Variants in VWA3B observed in about 807,000 individuals in gnomAD.
VWA3B encodes von Willebrand factor A domain containing 3B, also known as von Willebrand factor A domain-containing protein 3B.
In VWA3B, 138 loss-of-function variants were observed where a neutral mutation model predicts 158.3. The ratio of observed to expected loss-of-function variants is 0.87; its 90% confidence interval spans 0.76 to 1.00. The LOEUF is 1.00. Among genes scored for constraint, VWA3B ranks in the 50% least tolerant of loss-of-function variants. The pLI is 0.00. For missense variants in VWA3B, 1,555 were observed against 1,565.1 expected (o/e 0.99, Z 0.11); for synonymous variants, 596 against 587.3 (o/e 1.01, Z -0.21).
At chr2:98,105,295 G>A (rs1683360213) in intron 2 of VWA3B, among the ~76,000 whole-genome samples, 1 of 152,018 alleles carries the variant, frequency 6.6e-6, no homozygotes, top group African/African-American at 2.4e-5. Flanking sequence ...TATATTCTGA[G>A]GTAATTGTAA....
In VWA3B at chr2:98,135,332, T is replaced by C. The variant is rs1048514521; in HGVS notation, c.988+1393T>C. On this transcript the variant is annotated intron_variant, in intron 7 of 27. Transcript: ENST00000477737. ...ACATACAAAAACATTTTTCTTTTTT[T>C]TTTTTTTTTTTTTTTTTTTTTGAGA... Among the ~76,000 whole-genome samples the C allele has an allele frequency of 5.4e-3, 647 of 118,828 alleles. 2 individuals are homozygous for C. Among genetic ancestry groups the C allele is most frequent in the Non-Finnish European group, 7.6e-3 (440 of 58,188 alleles). The allele number at this position is 118,828 out of a possible 152,430, so 78.0% of individuals were successfully genotyped here. A position where few individuals can be genotyped will look rare whatever the true frequency, so the allele number is the denominator to read the frequency against.
intron 16 of VWA3B, among the ~76,000 whole-genome samples, chr2:98,231,403 G>A (rs1215408763): frequency 2.6e-5 from 4 of 152,078 alleles, no homozygotes; most frequent in Admixed American, 6.5e-5. Context: ...TAATCAAGAC[G>A]GTGTGGTATT....
intron 10 of VWA3B, chr2:98,192,476 A>G: frequency 5.2e-6 from 1 of 191,026 alleles, no homozygotes; most frequent in South Asian, 9.0e-5. Context: ...CCAGGAGAAG[A>G]AATTTCACAA....
intron 23 of VWA3B, among the ~76,000 whole-genome samples, chr2:98,296,209 G>T (rs997015245): frequency 6.6e-6 from 1 of 152,230 alleles, no homozygotes; most frequent in Admixed American, 6.5e-5. Context: ...GATTTGAAGA[G>T]AGTCACATGG....
At chr2:98,191,941 G>C (rs186474122) in intron 10 of VWA3B, among the ~76,000 whole-genome samples, 1 of 152,224 alleles carries the variant, frequency 6.6e-6, no homozygotes, top group African/African-American at 2.4e-5. Flanking sequence ...CACCCCCCAG[G>C]CTTTGCTTGC....
intron 14 of VWA3B, among the ~76,000 whole-genome samples, chr2:98,220,736 A>G (rs1684422690): frequency 6.6e-6 from 1 of 152,242 alleles, no homozygotes; most frequent in Non-Finnish European, 1.5e-5. Context: ...CCCATCAATG[A>G]TAGACTGGAT....
downstream of VWA3B, among the ~76,000 whole-genome samples, chr2:98,314,183 T>C (rs1691036796): frequency 1.3e-5 from 2 of 152,122 alleles, no homozygotes; most frequent in African/African-American, 4.8e-5. Context: ...GCTGAGGAGA[T>C]GGAAATGGAA....
At chr2:98,095,168 ATTGGTAT>A in intron 2 of VWA3B, among the ~76,000 whole-genome samples, 2 of 152,240 alleles carry the variant, frequency 1.3e-5, no homozygotes, top group South Asian at 2.1e-4. Context: ...GAAGAATGTC[ATTGGTAT>A]TTTGTTAGGG....
chr2:98,216,983 C>T (rs909275375), intron 13 of VWA3B: 2 of 1,162,060 alleles, frequency 1.7e-6, no homozygotes, highest in Non-Finnish European at 2.1e-6. Context: ...ATTGTAAGCA[C>T]CCGCCCCGCA....
chr2:98,087,794 T>C (rs1407047444), intron 1 of VWA3B, among the ~76,000 whole-genome samples: 1 of 152,188 alleles, frequency 6.6e-6, no homozygotes, highest in East Asian at 1.9e-4. Context: ...AAGCAACACT[T>C]ACATGGTTTC....
intron 16 of VWA3B, among the ~76,000 whole-genome samples, chr2:98,231,567 T>G (rs1685335508): frequency 6.6e-6 from 1 of 152,166 alleles, no homozygotes; most frequent in Non-Finnish European, 1.5e-5. Context: ...GAAAAGAAAC[T>G]TGACCTTAAC....
chr2:98,093,781 A>T (rs978599770), intron 2 of VWA3B, among the ~76,000 whole-genome samples: 1 of 152,090 alleles, frequency 6.6e-6, no homozygotes, highest in Non-Finnish European at 1.5e-5. Flanking sequence ...TTTGACTAAC[A>T]TCTTCCCGAT....
At chr2:98,093,315 G>A (rs916986309) in intron 2 of VWA3B, 27 bp downstream of exon 2, 1 of 1,608,432 alleles carries the variant, frequency 6.2e-7, no homozygotes, top group African/African-American at 1.3e-5. Flanking sequence ...CAACCAGCAT[G>A]CTGCCATTTA....
At chr2:98,133,757 G>T in intron 6 of VWA3B, 67 bp from the exon 7 acceptor site, 1 of 1,389,960 alleles carries the variant, frequency 7.2e-7, no homozygotes, top group South Asian at 1.2e-5. Context: ...TCAGTCCCAG[G>T]AGAAGGAACA....
At chr2:98,261,731 CT>C (rs1323540445) in intron 21 of VWA3B, among the ~76,000 whole-genome samples, 1 of 151,526 alleles carries the variant, frequency 6.6e-6, no homozygotes, top group African/African-American at 2.4e-5. Flanking sequence ...AACATGTTGC[CT>C]TCTGGCTTCC....
At chr2:98,227,289 T>C (rs1187574235) in intron 14 of VWA3B, among the ~76,000 whole-genome samples, 1 of 152,118 alleles carries the variant, frequency 6.6e-6, no homozygotes, top group Non-Finnish European at 1.5e-5. Context: ...TGAACTCCCA[T>C]TCACAATTGC....
chr2:98,308,395 G>C (rs1429657469), intron 26 of VWA3B, among the ~76,000 whole-genome samples: 1 of 152,224 alleles, frequency 6.6e-6, no homozygotes, highest in Non-Finnish European at 1.5e-5. Flanking sequence ...CATGGCATCA[G>C]AGATGTCTTT....
rs530092073 is a variant in VWA3B, at chr2:98,143,772, G to A, written c.988+9833G>A. Among the ~76,000 whole-genome samples the A allele has an allele frequency of 2.3e-5, 3 of 130,124 alleles. No homozygotes were observed. The East Asian group carries it at 6.8e-4, about 30-fold the overall frequency. 85.4% of individuals were successfully genotyped at this position (130,124 alleles called of 152,430 possible). On this transcript the variant is annotated intron_variant, in intron 7 of 27. Coordinates refer to ENST00000477737, the MANE Select transcript of VWA3B (RefSeq NM_144992.5). ...CTTTTCTTTTTTTTTTTTTTTTTGAGACATGGTTTGCTGTGTCACCCAGAC... is the reference window on the plus strand; with the variant it reads ...CTTTTCTTTTTTTTTTTTTTTTTGAAACATGGTTTGCTGTGTCACCCAGAC...
chr2:98,130,175 G>T (rs540881952), intron 6 of VWA3B, among the ~76,000 whole-genome samples: 1 of 152,154 alleles, frequency 6.6e-6, no homozygotes, highest in Non-Finnish European at 1.5e-5. Flanking sequence ...AAAGTGCTGC[G>T]CTTTTGATGT....
Sources: allele counts gnomAD v4.1 joint callset (sites outside exome capture counted in the v4.1 genomes callset), GRCh38; gene constraint gnomAD v4.1.1; transcripts MANE v1.5; gene names NCBI Gene and HGNC (gene_info 2026-07-23, HGNC 2026-07-21).